DPH6: variants seen among roughly 807,000 people sequenced by gnomAD.
DPH6 encodes diphthamine biosynthesis 6.
In DPH6, 33 loss-of-function variants were observed where a neutral mutation model predicts 38.2. That is an observed-to-expected ratio of 0.86 (90% CI 0.65 to 1.15). The LOEUF (loss-of-function observed/expected upper bound fraction) is 1.15. Among genes scored for constraint, DPH6 ranks in the 50% most tolerant of loss-of-function variants. The pLI, the probability that DPH6 is intolerant of heterozygous loss-of-function variation, is 0.00. For missense variants in DPH6, 325 were observed against 320.0 expected, an observed-to-expected ratio of 1.02 and a Z score of -0.12; for synonymous variants, 108 against 103.0, an observed-to-expected ratio of 1.05 and a Z score of -0.30.
chr15:35,434,246 T>C (rs192947519), intron 5 of DPH6, among the ~76,000 whole-genome samples: 1 of 152,310 alleles, frequency 6.6e-6, no homozygotes, highest in East Asian at 1.9e-4. Context: ...TTCAATTCCT[T>C]ATATTGATTA....
chr15:35,543,361 T>A (rs1219624181), intron 1 of DPH6, among the ~76,000 whole-genome samples: 1 of 149,142 alleles, frequency 6.7e-6, no homozygotes, highest in Non-Finnish European at 1.5e-5. Flanking sequence ...AAGGAACTTC[T>A]AAATTCTGGT....
intron 3 of DPH6, among the ~76,000 whole-genome samples, chr15:35,310,631 T>C (rs1159039837): frequency 6.6e-6 from 1 of 152,134 alleles, no homozygotes; most frequent in Non-Finnish European, 1.5e-5. Context: ...CACATATATA[T>C]AAATTTCTGT....
At chr15:35,246,663 G>T (rs971016262) in intron 3 of DPH6, among the ~76,000 whole-genome samples, 2 of 152,054 alleles carry the variant, frequency 1.3e-5, no homozygotes, top group Non-Finnish European at 2.9e-5. Flanking sequence ...TTCAGTCCAG[G>T]GATTTGGCTT....
chr15:35,352,948 T>A (rs1004087960), intron 3 of DPH6, among the ~76,000 whole-genome samples: 7 of 152,214 alleles, frequency 4.6e-5, no homozygotes, highest in Non-Finnish European at 1.0e-4. Flanking sequence ...ACCTGTTGTT[T>A]CCTGACTTTT....
At chr15:35,190,720 T>C in the DPH6 span, among the ~76,000 whole-genome samples, 2 of 152,366 alleles carry the variant, frequency 1.3e-5, no homozygotes, top group East Asian at 3.9e-4. Flanking sequence ...GGGTTTATTT[T>C]GGGCAAAGAC....
At chr15:35,511,403 G>A (rs892466322) in intron 3 of DPH6, among the ~76,000 whole-genome samples, 1 of 152,088 alleles carries the variant, frequency 6.6e-6, no homozygotes, top group African/African-American at 2.4e-5. Context: ...TCATTTACAT[G>A]TGTATGTGCA....
chr15:35,303,863 A>AT (rs138449948), intron 3 of DPH6, among the ~76,000 whole-genome samples: 4,506 of 150,062 alleles, frequency 0.03, 214 homozygotes, highest in African/African-American at 0.1. Context: ...AAAGCTAATC[A>AT]TTTTTTTTTC....
intron 1 of DPH6, among the ~76,000 whole-genome samples, chr15:35,544,759 C>T (rs1373732746): frequency 6.6e-6 from 1 of 152,152 alleles, no homozygotes; most frequent in African/African-American, 2.4e-5. Context: ...AACATATGCA[C>T]ATTACAGGTT....
the DPH6 span, among the ~76,000 whole-genome samples, chr15:35,191,992 C>T: frequency 6.6e-6 from 1 of 152,210 alleles, no homozygotes; most frequent in African/African-American, 2.4e-5. Context: ...CCTGGCAATA[C>T]TTGTTGTCTC....
At chr15:35,525,131 T>TTACATAAAA (rs1176134511) in intron 3 of DPH6, among the ~76,000 whole-genome samples, 1 of 152,080 alleles carries the variant, frequency 6.6e-6, no homozygotes, top group Non-Finnish European at 1.5e-5. Context: ...ATGCAAATAA[T>TTACATAAAA]TACATAAAAC....
intron 3 of DPH6, among the ~76,000 whole-genome samples, chr15:35,491,614 C>A (rs566330853): frequency 6.8e-6 from 1 of 146,262 alleles, no homozygotes; most frequent in African/African-American, 2.5e-5. Flanking sequence ...ATATATATAT[C>A]GATATATAGA....
At chr15:35,440,181 G>C (rs902873305) in intron 5 of DPH6, among the ~76,000 whole-genome samples, 1 of 152,130 alleles carries the variant, frequency 6.6e-6, no homozygotes, top group African/African-American at 2.4e-5. Context: ...CAATTATCCT[G>C]AAAATCCTGC....
At chr15:35,340,358 G>C (rs1345791377) in intron 3 of DPH6, among the ~76,000 whole-genome samples, 1 of 152,114 alleles carries the variant, frequency 6.6e-6, no homozygotes, top group African/African-American at 2.4e-5. Flanking sequence ...CTTTAAATTA[G>C]GGTATTTAGC....
chr15:35,170,485 G>T, the DPH6 span, among the ~76,000 whole-genome samples: 2 of 152,128 alleles, frequency 1.3e-5, no homozygotes, highest in Non-Finnish European at 2.9e-5. Flanking sequence ...TGTGTTTGGA[G>T]CATGAAGCCA....
chr15:35,452,959 A>C (rs1034793445), intron 4 of DPH6, among the ~76,000 whole-genome samples: 2 of 152,158 alleles, frequency 1.3e-5, no homozygotes, highest in Middle Eastern at 3.2e-3. Flanking sequence ...GGAAGAAAAA[A>C]CTTTTTGTCC....
At chr15:35,263,128 C>T (rs902112695) in intron 3 of DPH6, among the ~76,000 whole-genome samples, 4 of 152,136 alleles carry the variant, frequency 2.6e-5, no homozygotes, top group Non-Finnish European at 5.9e-5. Flanking sequence ...CTTCTGATAA[C>T]TAAGGAAGAT....
intron 3 of DPH6, among the ~76,000 whole-genome samples, chr15:35,517,950 T>C (rs1173592121): frequency 6.6e-6 from 1 of 152,090 alleles, no homozygotes; most frequent in Non-Finnish European, 1.5e-5. Flanking sequence ...TTTAAAAAAA[T>C]TAAATTGATG....
chr15:35,500,478 C>T (rs1169248069), intron 3 of DPH6, among the ~76,000 whole-genome samples: 1 of 152,180 alleles, frequency 6.6e-6, no homozygotes, highest in Non-Finnish European at 1.5e-5. Context: ...TTTTTAAAAA[C>T]AAGTATACAT....
chr15:35,479,374 A>G (rs188170787), intron 3 of DPH6, among the ~76,000 whole-genome samples: 125 of 152,182 alleles, frequency 8.2e-4, no homozygotes, highest in African/African-American at 2.9e-3. Context: ...TGTATTGTAG[A>G]CCCTCTGAAA....
Sources: allele counts gnomAD v4.1 joint callset (sites outside exome capture counted in the v4.1 genomes callset), GRCh38; gene constraint gnomAD v4.1.1; transcripts MANE v1.5; gene names NCBI Gene and HGNC (gene_info 2026-07-23, HGNC 2026-07-21).